Variants in CIMIP2A observed in about 807,000 individuals in gnomAD.
CIMIP2A encodes family with sequence similarity 166 member A.
the CIMIP2A span, chr9:137,252,554 G>C: frequency 1.6e-6 from 2 of 1,217,772 alleles, no homozygotes; most frequent in Non-Finnish European, 2.3e-6. Context: ...AGGGGGCGGG[G>C]AGTCCACGCA....
chr9:137,253,643 C>A, the CIMIP2A span: 1 of 602,110 alleles, frequency 1.7e-6, no homozygotes, highest in Non-Finnish European at 2.5e-6. Context: ...TGACCCTGAG[C>A]TCTAGCCTGG....
At chr9:137,252,475 C>T in the CIMIP2A span, 1 of 1,610,532 alleles carries the variant, frequency 6.2e-7, no homozygotes. Context: ...TTTGTGGTTC[C>T]AGAGCGAAAG....
At chr9:137,246,958 A>G in the CIMIP2A span, among the ~76,000 whole-genome samples, 1 of 151,854 alleles carries the variant, frequency 6.6e-6, no homozygotes, top group Admixed American at 6.6e-5. Context: ...ATATCTAGTG[A>G]GGCAGCCTGG....
the CIMIP2A span, among the ~76,000 whole-genome samples, chr9:137,254,176 C>T: frequency 6.6e-6 from 1 of 152,248 alleles, no homozygotes; most frequent in African/African-American, 2.4e-5. Flanking sequence ...TTCAAAAAGG[C>T]TCTGGGCAGC....
At chr9:137,253,182 C>T in the CIMIP2A span, 7 of 1,605,990 alleles carry the variant, frequency 4.4e-6, no homozygotes, top group South Asian at 5.5e-5. Context: ...CGGCGCCTGG[C>T]GTGGTCATCC....
At chr9:137,245,640 G>A in the CIMIP2A span, 1 of 1,608,268 alleles carries the variant, frequency 6.2e-7, no homozygotes, top group Non-Finnish European at 8.5e-7. Context: ...GCAGCTCACT[G>A]GTGTAGTGGG....
the CIMIP2A span, chr9:137,244,581 C>G: frequency 7.5e-6 from 12 of 1,594,126 alleles, no homozygotes; most frequent in Non-Finnish European, 8.6e-6. Context: ...AGGGAAGCTG[C>G]CAGGCAGGAG....
chr9:137,244,252 T>G, the CIMIP2A span: 1 of 1,613,682 alleles, frequency 6.2e-7, no homozygotes, highest in Non-Finnish European at 8.5e-7. Context: ...CCAGGCAGCT[T>G]CTCGCCCAGG....
the CIMIP2A span, chr9:137,245,648 G>C: frequency 6.2e-7 from 1 of 1,607,438 alleles, no homozygotes; most frequent in African/African-American, 1.3e-5. Flanking sequence ...CTGGTGTAGT[G>C]GGGGATGTAG....
At chr9:137,247,348 T>G in the CIMIP2A span, among the ~76,000 whole-genome samples, 1 of 152,260 alleles carries the variant, frequency 6.6e-6, no homozygotes, top group Non-Finnish European at 1.5e-5. Context: ...CGTCGGGCAC[T>G]TACTAGCCGG....
At chr9:137,248,244 A>G in the CIMIP2A span, among the ~76,000 whole-genome samples, 11 of 152,314 alleles carry the variant, frequency 7.2e-5, 1 homozygote, top group East Asian at 2.1e-3. Context: ...AGGACTTCCT[A>G]ACCATAAAAA....
the CIMIP2A span, chr9:137,252,286 T>C: frequency 7.5e-7 from 1 of 1,341,376 alleles, no homozygotes; most frequent in South Asian, 1.4e-5. Flanking sequence ...TAAGGAGGCC[T>C]GGAGAGAGGA....
At chr9:137,244,848 C>T in the CIMIP2A span, 15 of 1,566,164 alleles carry the variant, frequency 9.6e-6, no homozygotes, top group South Asian at 1.7e-4. Flanking sequence ...CTTTCGTTCC[C>T]TGAACGTTGG....
At chr9:137,254,230 C>T in the CIMIP2A span, among the ~76,000 whole-genome samples, 1 of 152,244 alleles carries the variant, frequency 6.6e-6, no homozygotes, top group Non-Finnish European at 1.5e-5. Flanking sequence ...AGAGAGGAAT[C>T]CCAGGCTCAG....
chr9:137,253,509 C>A, the CIMIP2A span: 4 of 1,422,316 alleles, frequency 2.8e-6, no homozygotes. Context: ...GTTGTCTGTC[C>A]TTCACCCGGG....
chr9:137,245,451 C>T, the CIMIP2A span: 1 of 1,613,928 alleles, frequency 6.2e-7, no homozygotes, highest in Non-Finnish European at 8.5e-7. Context: ...AGCCTGCAGG[C>T]AGCAGAATCT....
chr9:137,244,706 C>T, the CIMIP2A span: 1 of 1,613,634 alleles, frequency 6.2e-7, no homozygotes, highest in Non-Finnish European at 8.5e-7. Flanking sequence ...CCCCATTACC[C>T]AGGTGAAACG....
the CIMIP2A span, chr9:137,245,910 C>G: frequency 2.2e-6 from 3 of 1,371,500 alleles, no homozygotes; most frequent in Admixed American, 2.8e-5. Context: ...CAGCACTGGG[C>G]AGGGCCCCTT....
the CIMIP2A span, chr9:137,244,682 T>A: frequency 1.9e-6 from 3 of 1,613,624 alleles, no homozygotes; most frequent in Non-Finnish European, 2.5e-6. Context: ...CATGACGCCG[T>A]CTCGGTAATT....
Sources: gnomAD v4.1 joint callset for allele counts (sites outside exome capture counted in the v4.1 genomes callset) on GRCh38, gnomAD v4.1.1 for gene constraint, MANE v1.5 for transcripts, NCBI Gene and HGNC (gene_info 2026-07-23, HGNC 2026-07-21) for gene names.